The following CARMIL1 variants were observed in gnomAD, a reference collection of about 807,000 sequenced individuals.
CARMIL1 encodes capping protein regulator and myosin 1 linker 1, also known as F-actin-uncapping protein LRRC16A.
In CARMIL1, 90 loss-of-function variants were observed where a neutral mutation model predicts 177.1. That is an observed-to-expected ratio of 0.51 (90% CI 0.43 to 0.61). The LOEUF (loss-of-function observed/expected upper bound fraction) is 0.61. CARMIL1 is among the 20% of genes least tolerant of loss of function. The pLI is 0.00. For synonymous variants in CARMIL1, 577 were observed against 606.2 expected (o/e 0.95, Z 0.71); for missense variants, 1,380 against 1,667.0 (o/e 0.83, Z 3.00).
chr6:25,467,811 A>G (rs1356206047), intron 9 of CARMIL1, among the ~76,000 whole-genome samples: 3 of 152,182 alleles, frequency 2.0e-5, no homozygotes, highest in African/African-American at 7.2e-5. Context: ...AATATTTGGT[A>G]TTTTAAAATG....
chr6:25,300,210 T>C (rs1240543430), intron 2 of CARMIL1, among the ~76,000 whole-genome samples: 1 of 152,240 alleles, frequency 6.6e-6, no homozygotes, highest in Non-Finnish European at 1.5e-5. Flanking sequence ...AAAATGCTTA[T>C]TTTTGAAATA....
chr6:25,348,970 T>A lies in CARMIL1; in HGVS notation c.138+64061T>A, dbSNP rs530385729. ...CAAATATAGTGAGCTTGCTGAGTGC[T>A]TTTGTACCTCATCTTTATTGTTATG... On this transcript the variant is annotated intron_variant, in intron 2 of 36. Coordinates refer to ENST00000329474, the MANE Select transcript of CARMIL1 (RefSeq NM_017640.6). Among the ~76,000 whole-genome samples the A allele has an allele frequency of 7.3e-4, 111 of 152,320 alleles. 1 individual carries two copies. Among genetic ancestry groups the A allele is most frequent in the African/African-American group, 2.1e-3 (87 of 41,570 alleles).
At chr6:25,565,160 G>A (rs1296127865) in intron 29 of CARMIL1, among the ~76,000 whole-genome samples, 1 of 152,210 alleles carries the variant, frequency 6.6e-6, no homozygotes, top group Admixed American at 6.5e-5. Context: ...ATAAATTGAG[G>A]AACCCAATTT....
At chr6:25,309,595 C>T (rs964721801) in intron 2 of CARMIL1, among the ~76,000 whole-genome samples, 7 of 149,738 alleles carry the variant, frequency 4.7e-5, no homozygotes, top group African/African-American at 1.5e-4. Context: ...TATGGACCGG[C>T]CTAGTCTAGA....
chr6:25,536,709 C>T (rs214059), intron 24 of CARMIL1, among the ~76,000 whole-genome samples: 65,126 of 151,954 alleles, frequency 0.43, 14,121 homozygotes, highest in East Asian at 0.49. Flanking sequence ...GTAATCAGAC[C>T]TGAAGTCTTC....
intron 11 of CARMIL1, chr6:25,478,975 G>T: frequency 2.6e-6 from 1 of 387,756 alleles, no homozygotes; most frequent in Non-Finnish European, 5.1e-6. Flanking sequence ...ACTTTCCTTA[G>T]TGTTTCTGAA....
chr6:25,453,385 T>G (rs1799183262), intron 8 of CARMIL1, among the ~76,000 whole-genome samples: 1 of 152,150 alleles, frequency 6.6e-6, no homozygotes, highest in African/African-American at 2.4e-5. Context: ...GATAGTCCAC[T>G]GAAAAAAAGG....
intron 12 of CARMIL1, among the ~76,000 whole-genome samples, chr6:25,482,921 G>A (rs1447734162): frequency 6.6e-6 from 1 of 151,884 alleles, no homozygotes; most frequent in Non-Finnish European, 1.5e-5. Flanking sequence ...TGCATTCTTT[G>A]TGCCTTTGTG....
rs1418720193 is a variant in CARMIL1, at chr6:25,509,647, T to A, written c.1396-9T>A. The A allele has an allele frequency of 1.9e-6, 3 of 1,589,446 alleles. No homozygotes were observed. Among genetic ancestry groups the A allele is most frequent in the Admixed American group, 1.7e-5 (1 of 57,598 alleles). The stretch of plus-strand genomic sequence containing the variant: ...GACTTTACTTTGTGTTTGGTTTGTG[T>A]TTCTCTAGCTGAGATCAGGAGGTGC... On this transcript the variant is annotated splice_polypyrimidine_tract_variant and intron_variant, in intron 17 of 36. Transcript: ENST00000329474. This position sits in a 1 kb window ranked among gnomAD's most constrained non-coding sequence, Gnocchi z 4.1.
intron 2 of CARMIL1, among the ~76,000 whole-genome samples, chr6:25,404,704 C>T (rs1462371036): frequency 4.0e-5 from 6 of 150,768 alleles, no homozygotes; most frequent in Admixed American, 1.3e-4. Context: ...TGCAGCGAGC[C>T]GAGATCTTAC....
intron 33 of CARMIL1, among the ~76,000 whole-genome samples, chr6:25,604,514 C>A (rs1815746529): frequency 6.6e-6 from 1 of 152,172 alleles, no homozygotes; most frequent in Non-Finnish European, 1.5e-5. Context: ...CAGTAAAGGT[C>A]ACCAAGCCCA....
At chr6:25,597,189 C>T (rs1814940590) in intron 32 of CARMIL1, among the ~76,000 whole-genome samples, 1 of 152,146 alleles carries the variant, frequency 6.6e-6, no homozygotes, top group African/African-American at 2.4e-5. Context: ...TAACAACCCA[C>T]TCTCTCAAGA....
chr6:25,415,174 A>C (rs13198991), intron 2 of CARMIL1, among the ~76,000 whole-genome samples: 1 of 148,380 alleles, frequency 6.7e-6, no homozygotes, highest in Non-Finnish European at 1.5e-5. Context: ...TTCATTTTTT[A>C]TTTTTAGAGA....
intron 2 of CARMIL1, among the ~76,000 whole-genome samples, chr6:25,285,342 A>C (rs1781446751): frequency 6.6e-6 from 1 of 152,218 alleles, no homozygotes; most frequent in African/African-American, 2.4e-5. Flanking sequence ...ATATGAGTCC[A>C]TCTAAGGGGT....
chr6:25,462,662 T>C (rs1800224124), intron 8 of CARMIL1, among the ~76,000 whole-genome samples: 2 of 152,246 alleles, frequency 1.3e-5, no homozygotes, highest in South Asian at 4.1e-4. Flanking sequence ...TTCCTTCTGA[T>C]CTTTTAAGCC....
intron 2 of CARMIL1, among the ~76,000 whole-genome samples, chr6:25,333,767 AGTT>A (rs1785931973): frequency 6.6e-6 from 1 of 152,026 alleles, no homozygotes; most frequent in Admixed American, 6.6e-5. Flanking sequence ...GGGATGGGTG[AGTT>A]GTTCTTTATT....
intron 1 of CARMIL1, among the ~76,000 whole-genome samples, chr6:25,283,498 G>A (rs945519941): frequency 7.2e-5 from 11 of 152,168 alleles, no homozygotes; most frequent in African/African-American, 2.7e-4. Context: ...AGTGTCCAGA[G>A]TAGGAGATAA....
At chr6:25,355,807 C>A (rs1788537837) in intron 2 of CARMIL1, among the ~76,000 whole-genome samples, 2 of 152,270 alleles carry the variant, frequency 1.3e-5, no homozygotes, top group South Asian at 4.1e-4. Flanking sequence ...TGAAATTTGT[C>A]ATCTTAACCA....
chr6:25,351,594 G>A (rs1275933855), intron 2 of CARMIL1, among the ~76,000 whole-genome samples: 1 of 152,204 alleles, frequency 6.6e-6, no homozygotes, highest in Non-Finnish European at 1.5e-5. Context: ...TTAGTTGGAT[G>A]CGAGGTTGCC....
Sources: allele counts gnomAD v4.1 joint callset (sites outside exome capture counted in the v4.1 genomes callset), GRCh38; gene constraint gnomAD v4.1.1; non-coding constraint Gnocchi (gnomAD v3.1); transcripts MANE v1.5; gene names NCBI Gene and HGNC (gene_info 2026-07-23, HGNC 2026-07-21).